The following TPCN2 variants were observed in gnomAD, a reference collection of about 807,000 sequenced individuals.
The protein encoded by TPCN2 is two pore channel protein 2.
In TPCN2, 92 loss-of-function variants were observed where a neutral mutation model predicts 111.4. The observed-to-expected ratio is 0.83, with a 90% CI of 0.70 to 0.98. TPCN2 has a LOEUF of 0.98. Ranked by LOEUF, TPCN2 falls within the 50% of genes least tolerant of loss-of-function variation. The pLI, the probability that TPCN2 is intolerant of heterozygous loss-of-function variation, is 0.00. For synonymous variants in TPCN2, 405 were observed against 414.5 expected, an observed-to-expected ratio of 0.98 and a Z score of 0.28; for missense variants, 995 against 980.1, an observed-to-expected ratio of 1.02 and a Z score of -0.20.
At chr11:69,063,469 C>T (rs1351911142) in intron 6 of TPCN2, among the ~76,000 whole-genome samples, 1 of 152,096 alleles carries the variant, frequency 6.6e-6, no homozygotes, top group Non-Finnish European at 1.5e-5. Flanking sequence ...CCAGGCCCAG[C>T]CTCCATCCAG....
intron 24 of TPCN2, 105 bp from the exon 25 acceptor site, chr11:69,087,770 A>G (rs1590758349): frequency 1.2e-6 from 1 of 827,102 alleles, no homozygotes; most frequent in Non-Finnish European, 1.9e-6. Flanking sequence ...TCCCTGTGAC[A>G]CTCACTTCGC....
At position 69,085,841 on chromosome 11, in the gene TPCN2, C is replaced by T. The variant is rs1002627224; in HGVS notation, c.1921-7C>T. 2 of 1,614,134 alleles carry T rather than the reference C, an allele frequency of 1.2e-6. No individual in the cohort carries two copies. Among genetic ancestry groups the T allele is most frequent in the South Asian group, 2.2e-5 (2 of 91,084 alleles). On this transcript the variant is annotated splice_polypyrimidine_tract_variant and splice_region_variant and intron_variant, in intron 21 of 24. Coordinates refer to ENST00000294309, the MANE Select transcript of TPCN2 (RefSeq NM_139075.4). ...CCCTCCTGGACCGCTGGTCTCTGCC[C>T]CCGCAGGCTGCCCTGGTCACTCTGT...
intron 11 of TPCN2, 72 bp from the exon 12 acceptor site, chr11:69,072,555 G>A: frequency 6.6e-7 from 1 of 1,505,438 alleles, no homozygotes; most frequent in South Asian, 1.2e-5. Context: ...CGCCAGGGCA[G>A]GAGGACCCAG....
chr11:69,083,520 T>C (rs757375814), intron 18 of TPCN2, among the ~76,000 whole-genome samples: 2 of 152,234 alleles, frequency 1.3e-5, no homozygotes, highest in Non-Finnish European at 2.9e-5. Context: ...CCTCTAGCTC[T>C]GCATTTCTTT....
Position 69,054,722 on chromosome 11 carries a change from A to G in TPCN2, c.176A>G (p.Tyr59Cys). The G allele has an allele frequency of 6.2e-7, 1 of 1,614,052 alleles. No individual in the cohort carries two copies. The highest frequency in any genetic ancestry group is 1.1e-5 in the South Asian group (1 of 91,068). ...AVVFIEDAIQ[Y>C]RSINHRVDAS... ...CCTCATGTGACTTTTCGCTTGTAGT[A>G]CCGCTCCATCAACCACCGGGTGGAT... is the stretch of plus-strand genomic sequence containing the variant. Residue 59 changes from tyrosine to cysteine, a missense_variant and splice_region_variant, in exon 3 of 25, where the codon TAC becomes TGC. Coordinates refer to ENST00000294309, the MANE Select transcript of TPCN2 (RefSeq NM_139075.4).
intron 20 of TPCN2, 84 bp from the exon 21 acceptor site, chr11:69,085,587 C>T (rs1249273682): frequency 6.1e-5 from 58 of 951,282 alleles, no homozygotes; most frequent in Admixed American, 2.1e-4. Context: ...AGGCTGAGCA[C>T]GCCAGCAGAG....
chr11:69,085,258 G>A lies in TPCN2; in HGVS notation c.1810G>A (p.Val604Ile), dbSNP rs747004180. The change falls in exon 20 of 25, where the codon GTC becomes ATC. Residue 604 changes from valine (V) to isoleucine (I), a missense_variant. Coordinates refer to ENST00000294309, the MANE Select transcript of TPCN2 (RefSeq NM_139075.4). ...CATTGGGATCAACTTGTTTAGAGGC[G>A]TCATTGTGGCTCTTCCTGGAAACAG... ...AIIGINLFRGVIVALPGNSSL... is the reference protein window; with the variant it reads ...AIIGINLFRGIIVALPGNSSL... The A allele has an allele frequency of 8.2e-5, 130 of 1,585,910 alleles. No individual in the cohort carries two copies. Among genetic ancestry groups the A allele is most frequent in the Non-Finnish European group, 7.1e-5 (83 of 1,162,288 alleles).
At chr11:69,050,861 GACCCGCTCT>G (rs1861194537) in intron 1 of TPCN2, among the ~76,000 whole-genome samples, 1 of 152,208 alleles carries the variant, frequency 6.6e-6, no homozygotes, top group African/African-American at 2.4e-5. Context: ...TGGCAGGTGA[GACCCGCTCT>G]GCTGGGCAGT....
rs768569768 is a variant in TPCN2, at chr11:69,085,274, C to G, written c.1826C>G (p.Pro609Arg). Residue 609 changes from proline to arginine, a missense_variant, in exon 20 of 25, where the codon CCT becomes CGT. By Grantham distance (103) the Pro-to-Arg change is moderately radical. Transcript: ENST00000294309. Reference sequence around the variant, plus strand: ...TTTAGAGGCGTCATTGTGGCTCTTCCTGGAAACAGCAGGTGAGGTGGGGTC... The same window carrying G: ...TTTAGAGGCGTCATTGTGGCTCTTCGTGGAAACAGCAGGTGAGGTGGGGTC... Reference protein sequence around the residue: ...NLFRGVIVALPGNSSLAPANG... With the variant: ...NLFRGVIVALRGNSSLAPANG... 2.5e-6 allele frequency: 4 copies of G among 1,570,992 alleles called. No homozygotes were observed. The highest frequency in any genetic ancestry group is 3.5e-6 in the Non-Finnish European group (4 of 1,153,538).
Position 69,071,393 on chromosome 11 carries a change from C to T in TPCN2, c.933C>T (p.Ile311=), listed in dbSNP as rs772990211. The T allele has an allele frequency of 9.3e-6, 15 of 1,613,810 alleles. No homozygotes were observed. The African/African-American group carries it at 1.5e-4, about 16-fold the overall frequency. Residue 311 remains isoleucine, a synonymous_variant, in exon 10 of 25, where the codon ATC becomes ATT. Coordinates refer to ENST00000294309, the MANE Select transcript of TPCN2 (RefSeq NM_139075.4). The part of the protein sequence containing the change: ...LFLMNLLTAI[I]YSQFRGYLMK... ...TGATGAACCTGCTGACAGCCATCAT[C>T]TACAGTCAGTTCCGGGGCTACCTGA... is the stretch of plus-strand genomic sequence containing the variant.
rs1192532247 is a variant in TPCN2 at position 69,048,983 on chromosome 11, C to A, written c.-15C>A. ...TTGAGCTTCTGAGGGTCGGGTCCAG[C>A]GCGTGGGCTGCTGGATGGCGGAACC... On this transcript the variant is annotated 5_prime_UTR_variant, in exon 1 of 25. Coordinates refer to ENST00000294309, the MANE Select transcript of TPCN2 (RefSeq NM_139075.4). The A allele has an allele frequency of 8.1e-7, 1 of 1,234,626 alleles. No homozygotes were observed. Among genetic ancestry groups the A allele is most frequent in the Non-Finnish European group, 1.0e-6 (1 of 985,582 alleles). The allele number at this position is 1,234,626 out of a possible 1,614,324, so 76.5% of individuals were successfully genotyped here.
chr11:69,087,779 G>T, intron 24 of TPCN2, 96 bp from the exon 25 acceptor site: 2 of 925,408 alleles, frequency 2.2e-6, no homozygotes, highest in African/African-American at 1.6e-5. Flanking sequence ...CACTCACTTC[G>T]CATGTGTTGC....
intron 2 of TPCN2, chr11:69,054,499 C>T (rs1419984852): frequency 6.3e-5 from 37 of 584,334 alleles, no homozygotes; most frequent in Non-Finnish European, 9.5e-5. Flanking sequence ...CGCACCCACC[C>T]ACCCCGGGTG....
chr11:69,049,819 G>T (rs1434004046), intron 1 of TPCN2, among the ~76,000 whole-genome samples: 1 of 152,156 alleles, frequency 6.6e-6, no homozygotes, highest in South Asian at 2.1e-4. Context: ...GGGTGCGTCC[G>T]CCCCTCGCTG....
At position 69,067,534 on chromosome 11, in the gene TPCN2, C is replaced by A; in HGVS notation, c.758C>A (p.Thr253Asn). The A allele has an allele frequency of 6.2e-7, 1 of 1,613,964 alleles. No individual in the cohort carries two copies. The highest frequency in any genetic ancestry group is 8.5e-7 in the Non-Finnish European group (1 of 1,179,998). The change falls in exon 8 of 25, where the codon ACC becomes AAC. Residue 253 changes from threonine (T) to asparagine (N), a missense_variant. Thr to Asn is a moderately conservative substitution (Grantham distance 65). Transcript: ENST00000294309. Reference sequence around the variant, plus strand: ...GATGGGCAGGACAGGGAGAGGCTGACCTACTTCCAGAACCTGCCTGAGTCT... The same window carrying A: ...GATGGGCAGGACAGGGAGAGGCTGAACTACTTCCAGAACCTGCCTGAGTCT... ...QDDGQDRERLTYFQNLPESLT... is the reference protein window; with the variant it reads ...QDDGQDRERLNYFQNLPESLT...
At chr11:69,087,366 G>T (rs1345728318) in intron 24 of TPCN2, among the ~76,000 whole-genome samples, 160 bp downstream of exon 24, 1 of 152,218 alleles carries the variant, frequency 6.6e-6, no homozygotes, top group African/African-American at 2.4e-5. Context: ...GCAGCTCAGA[G>T]CCGGGATCGG....
At chr11:69,085,827 C>G (rs771029023) in intron 21 of TPCN2, 21 bp from the exon 22 acceptor site, 1 of 1,613,660 alleles carries the variant, frequency 6.2e-7, no homozygotes, top group African/African-American at 1.3e-5. Flanking sequence ...CCTCCTGGAC[C>G]GCTGGTCTCT....
intron 7 of TPCN2, among the ~76,000 whole-genome samples, chr11:69,065,748 C>G (rs1855245920): frequency 6.6e-6 from 1 of 152,218 alleles, no homozygotes; most frequent in African/African-American, 2.4e-5. Flanking sequence ...GGATTGATTT[C>G]CAAGAACCAG....
chr11:69,059,292 C>G (rs926684730), intron 5 of TPCN2, among the ~76,000 whole-genome samples: 1 of 152,144 alleles, frequency 6.6e-6, no homozygotes, highest in Non-Finnish European at 1.5e-5. Flanking sequence ...GCCCGCTCAC[C>G]CTGCTGGCAC....
Sources: gnomAD v4.1 joint callset for allele counts (sites outside exome capture counted in the v4.1 genomes callset) on GRCh38, gnomAD v4.1.1 for gene constraint, MANE v1.5 for transcripts, NCBI Gene and HGNC (gene_info 2026-07-23, HGNC 2026-07-21) for gene names.